The following CWF19L2 variants were observed in gnomAD, a reference collection of about 807,000 sequenced individuals.
CWF19L2 encodes the protein CWF19-like protein 2.
CWF19L2 carries 98 observed loss-of-function variants against 111.7 expected under a neutral mutation model. That is an observed-to-expected ratio of 0.88 (90% confidence interval 0.75 to 1.04). CWF19L2 has a LOEUF of 1.04. Among genes scored for constraint, CWF19L2 ranks in the 50% least tolerant of loss-of-function variants. The pLI, the probability that CWF19L2 is intolerant of heterozygous loss-of-function variation, is 0.00. For missense variants in CWF19L2, 1,101 were observed against 1,051.4 expected, an observed-to-expected ratio of 1.05 and a Z score of -0.65; for synonymous variants, 351 against 342.9, an observed-to-expected ratio of 1.02 and a Z score of -0.26.
rs543483767 is a variant in CWF19L2, at chr11:107,447,742, T to C, written c.340-4693A>G. Reference sequence around the variant, plus strand: ...TCCAGCAGTCACAATATAAGTTTCATAGGGTTCAGCATCCAATTAAAAGTT... The same window carrying C: ...TCCAGCAGTCACAATATAAGTTTCACAGGGTTCAGCATCCAATTAAAAGTT... On this transcript the variant is annotated intron_variant, in intron 3 of 17. Transcript: ENST00000282251. 8.5e-5 allele frequency among the ~76,000 whole-genome samples: 13 copies of C among 152,306 alleles called. No homozygotes were observed. The South Asian group carries it at 1.5e-3, about 17-fold the overall frequency.
chr11:107,327,313 A>G (rs1859776176), intron 17 of CWF19L2, among the ~76,000 whole-genome samples: 1 of 152,170 alleles, frequency 6.6e-6, no homozygotes, highest in Non-Finnish European at 1.5e-5. Context: ...CACATCTACT[A>G]GATGGTAACA....
At chr11:107,398,318 T>G (rs921561029) in intron 10 of CWF19L2, among the ~76,000 whole-genome samples, 1 of 152,034 alleles carries the variant, frequency 6.6e-6, no homozygotes, top group African/African-American at 2.4e-5. Flanking sequence ...TTCAAGGAAA[T>G]AGATAGCTTA....
chr11:107,388,810 A>C (rs962682281), intron 12 of CWF19L2, among the ~76,000 whole-genome samples: 1 of 152,206 alleles, frequency 6.6e-6, no homozygotes, highest in Non-Finnish European at 1.5e-5. Context: ...TCTGAAAAGG[A>C]AACTCTAATA....
chr11:107,402,656 A>G (rs951214442), intron 10 of CWF19L2, among the ~76,000 whole-genome samples: 2 of 151,938 alleles, frequency 1.3e-5, no homozygotes, highest in African/African-American at 4.8e-5. Context: ...TACAGCCACT[A>G]TGGAAAACAG....
Position 107,457,790 on chromosome 11 carries a change from A to G in CWF19L2, c.27T>C (p.Ser9=), listed in dbSNP as rs1195337486. The G allele has an allele frequency of 1.9e-6, 3 of 1,551,600 alleles. No homozygotes were observed. Among genetic ancestry groups the G allele is most frequent in the Non-Finnish European group, 2.6e-6 (3 of 1,146,970 alleles). Residue 9 remains serine, a synonymous_variant, in exon 1 of 18, where the codon AGT becomes AGC. Coordinates refer to ENST00000282251, the MANE Select transcript of CWF19L2 (RefSeq NM_152434.3). MATSMAAA[S]GRFESAKSIE... ...TACTCTTCGCACTTTCAAATCTACCACTAGCAGCCGCCATACTTGTTGCCA... is the reference window on the plus strand; with the variant it reads ...TACTCTTCGCACTTTCAAATCTACCGCTAGCAGCCGCCATACTTGTTGCCA...
chr11:107,362,371 G>A (rs1466172709), intron 12 of CWF19L2, among the ~76,000 whole-genome samples: 1 of 151,920 alleles, frequency 6.6e-6, no homozygotes. Context: ...TCTGGGGGCA[G>A]GGCACAAACA....
intron 12 of CWF19L2, among the ~76,000 whole-genome samples, chr11:107,385,936 A>G (rs1164610711): frequency 6.6e-6 from 1 of 152,240 alleles, no homozygotes; most frequent in African/African-American, 2.4e-5. Flanking sequence ...CTGCGAGAGT[A>G]GCAATGCTGG....
intron 5 of CWF19L2, among the ~76,000 whole-genome samples, chr11:107,440,210 G>C (rs925383331): frequency 2.6e-5 from 4 of 152,082 alleles, no homozygotes; most frequent in Admixed American, 6.5e-5. Context: ...GGGAGTGGGG[G>C]GTTAGAAAAT....
chr11:107,357,868 T>C (rs148722610), intron 12 of CWF19L2, among the ~76,000 whole-genome samples: 110 of 152,294 alleles, frequency 7.2e-4, no homozygotes, highest in Admixed American at 2.2e-3. Flanking sequence ...TAGTGGAGAA[T>C]GTACTAAGTG....
intron 17 of CWF19L2, among the ~76,000 whole-genome samples, chr11:107,328,049 C>T (rs1359892970): frequency 6.7e-6 from 1 of 149,568 alleles, no homozygotes; most frequent in Non-Finnish European, 1.5e-5. Flanking sequence ...GAATCTGGAG[C>T]TGTGGTGGGA....
rs75622436 is a variant in CWF19L2 at position 107,421,197 on chromosome 11, C to T, written c.1434-2910G>A. On this transcript the variant is annotated intron_variant, in intron 8 of 17. Coordinates refer to ENST00000282251, the MANE Select transcript of CWF19L2 (RefSeq NM_152434.3). ...ACTAAATAGCGCAACTGTAAATAACCCATGGGTCAAAAATAAGACCAAAGG... is the reference window on the plus strand; with the variant it reads ...ACTAAATAGCGCAACTGTAAATAACTCATGGGTCAAAAATAAGACCAAAGG... 4.6e-5 allele frequency among the ~76,000 whole-genome samples: 7 copies of T among 151,936 alleles called. No individual in the cohort carries two copies. In the East Asian group the frequency reaches 1.4e-3, roughly 29 times the overall value.
Position 107,397,264 on chromosome 11 carries a change from C to G in CWF19L2, c.1618-4369G>C, listed in dbSNP as rs532751721. Among the ~76,000 whole-genome samples, 8 of 152,246 alleles carry G rather than the reference C, an allele frequency of 5.3e-5. No individual in the cohort carries two copies. In the South Asian group the frequency reaches 1.7e-3, roughly 32 times the overall value. On this transcript the variant is annotated intron_variant, in intron 10 of 17. Coordinates refer to ENST00000282251, the MANE Select transcript of CWF19L2 (RefSeq NM_152434.3). ...CTCGCAGCTGGAAGGCAGATATCCTCAGGTATGTTTTCAAGCCCACCTTGC... is the reference window on the plus strand; with the variant it reads ...CTCGCAGCTGGAAGGCAGATATCCTGAGGTATGTTTTCAAGCCCACCTTGC...
chr11:107,327,947 T>C (rs1859786580), intron 17 of CWF19L2, among the ~76,000 whole-genome samples: 1 of 152,124 alleles, frequency 6.6e-6, no homozygotes, highest in South Asian at 2.1e-4. Flanking sequence ...TTCATCTTAC[T>C]TAGGGACCTA....
chr11:107,448,545 A>G (rs2135427396), intron 3 of CWF19L2, among the ~76,000 whole-genome samples: 1 of 152,206 alleles, frequency 6.6e-6, no homozygotes, highest in African/African-American at 2.4e-5. Flanking sequence ...AAAAGCCTGA[A>G]AGTTTCATAT....
intron 10 of CWF19L2, among the ~76,000 whole-genome samples, chr11:107,397,855 A>AC (rs1555022688): frequency 0.014 from 1,969 of 141,810 alleles, 41 homozygotes; most frequent in African/African-American, 0.048. Flanking sequence ...CTCTGTGAAA[A>AC]CCCCCCGTAC....
chr11:107,362,256 C>T (rs1040249622), intron 12 of CWF19L2, among the ~76,000 whole-genome samples: 228 of 152,216 alleles, frequency 1.5e-3, no homozygotes, highest in African/African-American at 4.1e-3. Flanking sequence ...AAGGGGCGCC[C>T]GCCATTGCCC....
At chr11:107,455,881 T>C in intron 1 of CWF19L2, 105 bp from the exon 2 acceptor site, 1 of 630,822 alleles carries the variant, frequency 1.6e-6, no homozygotes, top group Non-Finnish European at 2.8e-6. Context: ...AAATATCCAC[T>C]CATGAATGAA....
intron 14 of CWF19L2, among the ~76,000 whole-genome samples, chr11:107,347,603 G>A (rs967635373): frequency 2.6e-5 from 4 of 152,014 alleles, no homozygotes; most frequent in Admixed American, 6.6e-5. Context: ...CCTCTCTTTC[G>A]CAGTTTTCCA....
At chr11:107,453,478 C>T (rs1370477873) in intron 3 of CWF19L2, among the ~76,000 whole-genome samples, 2 of 152,130 alleles carry the variant, frequency 1.3e-5, no homozygotes, top group Non-Finnish European at 1.5e-5. Flanking sequence ...TGAATACCAG[C>T]TCAGCCATAG....
Sources: allele counts gnomAD v4.1 joint callset (sites outside exome capture counted in the v4.1 genomes callset), GRCh38; gene constraint gnomAD v4.1.1; transcripts MANE v1.5; gene names NCBI Gene and HGNC (gene_info 2026-07-23, HGNC 2026-07-21).